The following C8orf34 variants were observed in gnomAD, a reference collection of about 807,000 sequenced individuals.
The protein encoded by C8orf34 is uncharacterized protein C8orf34.
In C8orf34, 65 loss-of-function variants were observed where a neutral mutation model predicts 68.3. The ratio of observed to expected loss-of-function variants is 0.95; its 90% CI spans 0.78 to 1.17. The LOEUF (loss-of-function observed/expected upper bound fraction) is 1.17, where lower values mean the gene tolerates loss of function less well. Among genes scored for constraint, C8orf34 ranks in the 50% most tolerant of loss-of-function variants. C8orf34 has a pLI of 0.00. For missense variants in C8orf34, 664 were observed against 655.4 expected (o/e 1.01, Z -0.14); for synonymous variants, 244 against 241.2 (o/e 1.01, Z -0.11).
chr8:68,437,515 A>T (rs1445997463), intron 1 of C8orf34, among the ~76,000 whole-genome samples: 2 of 152,206 alleles, frequency 1.3e-5, no homozygotes, highest in Non-Finnish European at 2.9e-5. Context: ...CAAATAAAGC[A>T]TAATACATAA....
At chr8:68,778,834 C>T (rs539490051) in intron 11 of C8orf34, among the ~76,000 whole-genome samples, 24 of 152,134 alleles carry the variant, frequency 1.6e-4, no homozygotes, top group Non-Finnish European at 3.2e-4. Context: ...CAATCAGTTC[C>T]AAATCTGGAT....
rs557500982 is a variant in C8orf34, at chr8:68,373,350, C to G, written c.327+42011C>G. On this transcript the variant is annotated intron_variant, in intron 1 of 13. Coordinates refer to ENST00000518698, the MANE Select transcript of C8orf34 (RefSeq NM_052958.4). ...ACATTCATCTTGACTTGCAGATGAC[C>G]ACAGATGGGGGAAAAGGGAAGAGAT... Among the ~76,000 whole-genome samples the G allele has an allele frequency of 1.4e-4, 22 of 152,240 alleles. 1 individual carries two copies. Among genetic ancestry groups the G allele is most frequent in the Admixed American group, 8.5e-4 (13 of 15,294 alleles).
At chr8:68,354,279 A>G (rs1806650480) in intron 1 of C8orf34, among the ~76,000 whole-genome samples, 1 of 152,098 alleles carries the variant, frequency 6.6e-6, no homozygotes, top group South Asian at 2.1e-4. Flanking sequence ...ACTTATACCC[A>G]ATTTTATTTG....
chr8:68,351,506 C>G (rs1025984668), intron 1 of C8orf34, among the ~76,000 whole-genome samples: 1 of 152,040 alleles, frequency 6.6e-6, no homozygotes, highest in East Asian at 1.9e-4. Flanking sequence ...ACTGACCTCT[C>G]TAGCAAAGTT....
rs574041485 is a variant in C8orf34 at position 68,453,771 on chromosome 8, T to C, written c.607+7311T>C. Among the ~76,000 whole-genome samples, 127 of 152,110 alleles carry C rather than the reference T, an allele frequency of 8.3e-4. 1 individual carries two copies. The highest frequency in any genetic ancestry group is 1.2e-3 in the Non-Finnish European group (83 of 67,874). On this transcript the variant is annotated intron_variant, in intron 3 of 13. Coordinates refer to ENST00000518698, the MANE Select transcript of C8orf34 (RefSeq NM_052958.4). ...TTGGTTGCCTTTTATTTTTCTTTTC[T>C]TGCCTAATTGCCCCAGCTAGAAATT... is the stretch of plus-strand genomic sequence containing the variant.
At chr8:68,573,493 T>A (rs919732098) in intron 7 of C8orf34, among the ~76,000 whole-genome samples, 1 of 152,176 alleles carries the variant, frequency 6.6e-6, no homozygotes, top group African/African-American at 2.4e-5. Flanking sequence ...GTTGTCCCAA[T>A]GGATCTGCAG....
chr8:68,770,616 G>A (rs1294093315), intron 10 of C8orf34, among the ~76,000 whole-genome samples: 1 of 152,120 alleles, frequency 6.6e-6, no homozygotes, highest in Non-Finnish European at 1.5e-5. Context: ...CAAATATGGA[G>A]CCCCTTTTTC....
chr8:68,572,833 T>C (rs532127736), intron 7 of C8orf34, among the ~76,000 whole-genome samples: 46 of 152,298 alleles, frequency 3.0e-4, no homozygotes, highest in Non-Finnish European at 5.4e-4. Context: ...ACAGATTTTA[T>C]GTGTTTCAAA....
At chr8:68,505,147 C>T (rs1177639085) in intron 5 of C8orf34, among the ~76,000 whole-genome samples, 1 of 152,254 alleles carries the variant, frequency 6.6e-6, no homozygotes, top group African/African-American at 2.4e-5. Flanking sequence ...TACATTCCCA[C>T]CAGCAAGTAT....
intron 7 of C8orf34, among the ~76,000 whole-genome samples, chr8:68,560,318 A>G (rs1280443407): frequency 6.6e-6 from 1 of 152,172 alleles, no homozygotes; most frequent in Non-Finnish European, 1.5e-5. Context: ...CATATCAAGA[A>G]TGTACTATCT....
At chr8:68,745,889 T>C (rs1281852941) in intron 10 of C8orf34, among the ~76,000 whole-genome samples, 1 of 152,176 alleles carries the variant, frequency 6.6e-6, no homozygotes, top group Non-Finnish European at 1.5e-5. Context: ...GTGGACCTAA[T>C]AGGCATCTAC....
chr8:68,331,099 TC>T lies in C8orf34; in HGVS notation c.91del (p.Arg31GlyfsTer81). On this transcript the variant is annotated frameshift_variant, in exon 1 of 14. Coordinates refer to ENST00000518698, the MANE Select transcript of C8orf34 (RefSeq NM_052958.4). LOFTEE classifies it high-confidence loss of function. ...TCTCAGCGCCCCACGCGCGCGTGGC[TC>T]CCCGGGCTGCCACCCACGCCCGCGG... ...RLSAPHARVA[P>X]RAATHARGRG... 1 of 1,494,308 alleles carries T rather than the reference TC, an allele frequency of 6.7e-7. No individual in the cohort carries two copies. Among genetic ancestry groups the T allele is most frequent in the Non-Finnish European group, 8.8e-7 (1 of 1,131,292 alleles). 92.6% of individuals were successfully genotyped at this position (1,494,308 alleles called of 1,614,324 possible).
At chr8:68,817,533 T>C (rs1824855790) in intron 13 of C8orf34, among the ~76,000 whole-genome samples, 1 of 152,100 alleles carries the variant, frequency 6.6e-6, no homozygotes, top group Non-Finnish European at 1.5e-5. Context: ...GTGAGTAAGA[T>C]GGAGATTGAA....
At chr8:68,693,795 A>G (rs751042135) in intron 8 of C8orf34, among the ~76,000 whole-genome samples, 10 of 152,054 alleles carry the variant, frequency 6.6e-5, no homozygotes, top group Non-Finnish European at 1.3e-4. Context: ...GCCACTTCCT[A>G]GCTTAGGGTC....
At position 68,349,862 on chromosome 8, in the gene C8orf34, A is replaced by G. The variant is rs1425469736; in HGVS notation, c.327+18523A>G. Among the ~76,000 whole-genome samples, 3 of 151,086 alleles carry G rather than the reference A, an allele frequency of 2.0e-5. No individual in the cohort carries two copies. The East Asian group carries it at 5.8e-4, about 29-fold the overall frequency. On this transcript the variant is annotated intron_variant, in intron 1 of 13. Coordinates refer to ENST00000518698, the MANE Select transcript of C8orf34 (RefSeq NM_052958.4). ...TTGGATCTTCTCTCTTTTCTTCTTCATTAGTCTAGCTAGTGGCCTATATAT... is the reference window on the plus strand; with the variant it reads ...TTGGATCTTCTCTCTTTTCTTCTTCGTTAGTCTAGCTAGTGGCCTATATAT...
chr8:68,437,483 C>G (rs1003437104), intron 1 of C8orf34, among the ~76,000 whole-genome samples: 2 of 151,880 alleles, frequency 1.3e-5, no homozygotes, highest in African/African-American at 4.8e-5. Flanking sequence ...TTTCTGGAAC[C>G]CTTTATAATG....
intron 7 of C8orf34, among the ~76,000 whole-genome samples, chr8:68,611,208 A>G (rs964830225): frequency 6.6e-6 from 1 of 152,132 alleles, no homozygotes; most frequent in Non-Finnish European, 1.5e-5. Flanking sequence ...GACTATTCAG[A>G]TAGACATTAG....
At chr8:68,649,360 A>G (rs528092179) in intron 8 of C8orf34, among the ~76,000 whole-genome samples, 1 of 152,228 alleles carries the variant, frequency 6.6e-6, no homozygotes, top group Non-Finnish European at 1.5e-5. Flanking sequence ...ACTTACTTGT[A>G]TACCAGCTAG....
chr8:68,480,576 G>A (rs1254936752), intron 4 of C8orf34, among the ~76,000 whole-genome samples: 3 of 152,168 alleles, frequency 2.0e-5, no homozygotes, highest in Non-Finnish European at 4.4e-5. Context: ...CTAGAAACTT[G>A]TTGAATGGCT....
Sources: gnomAD v4.1 joint callset for allele counts (sites outside exome capture counted in the v4.1 genomes callset) on GRCh38, gnomAD v4.1.1 for gene constraint, MANE v1.5 for transcripts, NCBI Gene and HGNC (gene_info 2026-07-23, HGNC 2026-07-21) for gene names.